Variants in COBL observed in about 807,000 individuals in gnomAD.
COBL encodes the protein cordon-bleu WH2 repeat protein, also known as protein cordon-bleu.
Under a neutral mutation model 98.8 loss-of-function variants are expected in COBL, and 51 were observed. The ratio of observed to expected loss-of-function variants is 0.52; its 90% CI spans 0.41 to 0.65. COBL has a LOEUF of 0.65. COBL is among the 30% of genes least tolerant of loss of function. The pLI is 0.00. For missense variants in COBL, 1,617 were observed against 1,617.5 expected, an observed-to-expected ratio of 1.00 and a Z score of 0.01; for synonymous variants, 634 against 651.7, an observed-to-expected ratio of 0.97 and a Z score of 0.41.
chr7:51,285,654 C>T (rs1800290622), intron 1 of COBL, among the ~76,000 whole-genome samples: 1 of 152,132 alleles, frequency 6.6e-6, no homozygotes, highest in Non-Finnish European at 1.5e-5. Context: ...GACATATATT[C>T]ATTGGTCAGA....
chr7:51,210,917 G>A (rs1792359963), intron 2 of COBL, among the ~76,000 whole-genome samples: 1 of 152,176 alleles, frequency 6.6e-6, no homozygotes, highest in Non-Finnish European at 1.5e-5. Flanking sequence ...CACCCAGAGA[G>A]GCCACCCTTG....
rs951711340 is a variant in COBL, at chr7:51,057,353, T to C, written c.1097-13661A>G. 3.3e-5 allele frequency among the ~76,000 whole-genome samples: 5 copies of C among 151,800 alleles called. No individual in the cohort carries two copies. In the South Asian group the frequency reaches 6.2e-4, roughly 19 times the overall value. The stretch of plus-strand genomic sequence containing the variant: ...ACACATACACACACACACACACACA[T>C]ATATTCAGTGCTGAGGTTTCAGGCA... On this transcript the variant is annotated intron_variant, in intron 7 of 12. Transcript: ENST00000265136.
chr7:51,205,353 T>A (rs1299243636), intron 2 of COBL, among the ~76,000 whole-genome samples: 1 of 152,014 alleles, frequency 6.6e-6, no homozygotes, highest in Non-Finnish European at 1.5e-5. Flanking sequence ...AGCCCAAAAA[T>A]AAATCCATGC....
intron 1 of COBL, among the ~76,000 whole-genome samples, chr7:51,315,290 C>T (rs1177537228): frequency 6.7e-6 from 1 of 149,200 alleles, no homozygotes; most frequent in African/African-American, 2.4e-5. Context: ...AGAAAGAAAA[C>T]TTCTTTTTAA....
chr7:51,151,504 T>C (rs920815728), intron 5 of COBL, among the ~76,000 whole-genome samples: 1 of 152,186 alleles, frequency 6.6e-6, no homozygotes, highest in Non-Finnish European at 1.5e-5. Context: ...TGGCTAAGAA[T>C]GTAGAAGAAG....
intron 12 of COBL, among the ~76,000 whole-genome samples, chr7:51,019,691 A>G (rs906684662): frequency 2.6e-5 from 4 of 152,238 alleles, no homozygotes; most frequent in African/African-American, 9.6e-5. Context: ...TAAGCAGAAC[A>G]GTCACACGCA....
At chr7:51,106,490 GAA>G (rs954642394) in intron 6 of COBL, among the ~76,000 whole-genome samples, 14 of 152,260 alleles carry the variant, frequency 9.2e-5, no homozygotes, top group Admixed American at 7.2e-4. Flanking sequence ...TCCGAAACAA[GAA>G]AAGAGTTCTC....
intron 6 of COBL, among the ~76,000 whole-genome samples, chr7:51,123,772 A>G (rs1797951566): frequency 6.6e-6 from 1 of 152,210 alleles, no homozygotes; most frequent in Non-Finnish European, 1.5e-5. Flanking sequence ...TATGTCTAAC[A>G]AGATCATGTT....
At chr7:51,178,342 T>A (rs1333823424) in intron 5 of COBL, among the ~76,000 whole-genome samples, 2 of 152,130 alleles carry the variant, frequency 1.3e-5, no homozygotes, top group East Asian at 3.9e-4. Flanking sequence ...TGAAAAATAT[T>A]GCAAAAGGTT....
intron 1 of COBL, among the ~76,000 whole-genome samples, chr7:51,230,916 A>T (rs1794681688): frequency 6.6e-6 from 1 of 152,230 alleles, no homozygotes; most frequent in African/African-American, 2.4e-5. Context: ...CAAAAGAGGA[A>T]GTCACACAAG....
In COBL at chr7:51,028,473, G is replaced by A. The variant is rs761753356; in HGVS notation, c.2623C>T (p.Arg875Cys). 38 of 1,614,148 alleles carry A rather than the reference G, an allele frequency of 2.4e-5. No homozygotes were observed. The highest frequency in any genetic ancestry group is 1.1e-4 in the South Asian group (10 of 91,090). The change falls in exon 10 of 13, where the codon CGC (arginine) becomes TGC (cysteine). Residue 875 changes from arginine (R) to cysteine (C), a missense_variant. Physicochemically the swap from Arg to Cys is radical, Grantham distance 180. Transcript: ENST00000265136. ...SQYVASAIAKRIGAPKVHADV... is the reference protein window; with the variant it reads ...SQYVASAIAKCIGAPKVHADV... ...GCATGGACTTTTGGGGCTCCTATGC[G>A]CTTGGCAATGGCAGAGGCCACATAC... is the stretch of plus-strand genomic sequence containing the variant.
At chr7:51,099,165 T>C (rs959016593) in intron 6 of COBL, among the ~76,000 whole-genome samples, 10 of 150,970 alleles carry the variant, frequency 6.6e-5, no homozygotes, top group African/African-American at 2.4e-4. Context: ...GCATTGTTAG[T>C]AGGAATGTGG....
intron 8 of COBL, among the ~76,000 whole-genome samples, chr7:51,042,637 C>T (rs189539036): frequency 2.6e-5 from 4 of 152,296 alleles, no homozygotes; most frequent in East Asian, 1.9e-4. Flanking sequence ...GTTGGGATTA[C>T]GGGCATGAGC....
rs1408512671 is a variant in COBL, at chr7:51,025,293, A to G, written c.3584T>C (p.Leu1195Pro). The change falls in exon 12 of 13, where the codon CTA (leucine) becomes CCA (proline). Residue 1195 changes from leucine (L) to proline (P), a missense_variant. Leu to Pro is a moderately conservative substitution (Grantham distance 98). Transcript: ENST00000265136. ...TGGGGACAGAAGACCAAGGTCTTCT[A>G]GCAGAGGACTTTCCGAGCCCTGAGC... ...LSAQGSESPLLEDLGLLSPPA... is the reference protein window; with the variant it reads ...LSAQGSESPLPEDLGLLSPPA... The G allele has an allele frequency of 4.3e-6, 7 of 1,612,004 alleles. No individual in the cohort carries two copies. In the South Asian group the frequency reaches 7.7e-5, roughly 18 times the overall value.
At chr7:51,030,347 T>C (rs1237220698) in intron 9 of COBL, among the ~76,000 whole-genome samples, 1 of 152,232 alleles carries the variant, frequency 6.6e-6, no homozygotes, top group East Asian at 1.9e-4. Flanking sequence ...GGCCTTCCAG[T>C]ATTATTTCCC....
intron 5 of COBL, among the ~76,000 whole-genome samples, chr7:51,183,388 T>C (rs1024606): frequency 0.5 from 76,543 of 151,998 alleles, 20,598 homozygotes; most frequent in Non-Finnish European, 0.61. Context: ...GTGAAGCAAA[T>C]ATAAATACGG....
intron 1 of COBL, among the ~76,000 whole-genome samples, chr7:51,262,060 G>C (rs1211145804): frequency 1.3e-5 from 2 of 152,350 alleles, no homozygotes; most frequent in Admixed American, 6.5e-5. Flanking sequence ...GAGCTGGAGA[G>C]GGGTGGGCCC....
At chr7:51,119,899 G>C (rs538856759) in intron 6 of COBL, among the ~76,000 whole-genome samples, 1 of 152,062 alleles carries the variant, frequency 6.6e-6, no homozygotes, top group South Asian at 2.1e-4. Flanking sequence ...AAGTTGATTG[G>C]CAAGTCCTTT....
At chr7:51,049,412 G>C (rs766223875) in intron 7 of COBL, among the ~76,000 whole-genome samples, 3 of 152,160 alleles carry the variant, frequency 2.0e-5, no homozygotes, top group Non-Finnish European at 4.4e-5. Context: ...GGTCACAGGT[G>C]AGTTCTCAGG....
Sources: allele counts gnomAD v4.1 joint callset (sites outside exome capture counted in the v4.1 genomes callset), GRCh38; gene constraint gnomAD v4.1.1; transcripts MANE v1.5; gene names NCBI Gene and HGNC (gene_info 2026-07-23, HGNC 2026-07-21).